DCDC1: variants seen among roughly 807,000 people sequenced by gnomAD.
DCDC1 encodes doublecortin domain containing 1.
A neutral mutation model predicts 178.3 loss-of-function variants in DCDC1; 200 were observed. The ratio of observed to expected loss-of-function variants is 1.12; its 90% CI spans 1.00 to 1.26. The LOEUF (loss-of-function observed/expected upper bound fraction) is 1.26. DCDC1 is among the 50% of genes most tolerant of loss of function. The pLI is 0.00. For synonymous variants in DCDC1, 690 were observed against 604.8 expected, an observed-to-expected ratio of 1.14 and a Z score of -2.07; for missense variants, 1,983 against 1,749.2, an observed-to-expected ratio of 1.13 and a Z score of -2.38.
At chr11:30,899,823 G>A (rs1459615117) in intron 33 of DCDC1, among the ~76,000 whole-genome samples, 181 bp from the exon 34 acceptor site, 5 of 152,092 alleles carry the variant, frequency 3.3e-5, no homozygotes, top group African/African-American at 4.8e-5. Context: ...TCTTTATGGA[G>A]TGGAGGGGTA....
Position 30,900,416 on chromosome 11 carries a change from C to T in DCDC1, c.4593G>A (p.Leu1531=), listed in dbSNP as rs1421269248. 1 of 1,582,020 alleles carries T rather than the reference C, an allele frequency of 6.3e-7. No homozygotes were observed. The highest frequency in any genetic ancestry group is 8.6e-7 in the Non-Finnish European group (1 of 1,163,380). ...SDSLDGIDKS[L]LTLILRNPIA... ...TAGGATTTCTGAGGATGAGGGTAAG[C>T]AAAGACTTGTCTATACCATCCAAAC... The change falls in exon 33 of 39, where the codon TTG becomes TTA. Residue 1531 remains leucine (L), a synonymous_variant. Coordinates refer to ENST00000684477, the MANE Select transcript of DCDC1 (RefSeq NM_001387274.1).
intron 20 of DCDC1, among the ~76,000 whole-genome samples, chr11:30,967,798 T>C (rs1949527012): frequency 6.6e-6 from 1 of 152,108 alleles, no homozygotes; most frequent in South Asian, 2.1e-4. Context: ...ACATTTCAGT[T>C]CTGTGTCAAT....
intron 20 of DCDC1, among the ~76,000 whole-genome samples, chr11:30,996,448 T>C (rs941503992): frequency 4.3e-5 from 6 of 140,898 alleles, no homozygotes; most frequent in Non-Finnish European, 8.0e-5. Flanking sequence ...AAAAATCATA[T>C]TGAGACTTAA....
At chr11:31,368,933 G>A (rs1421498868) in intron 1 of DCDC1, among the ~76,000 whole-genome samples, 1 of 151,982 alleles carries the variant, frequency 6.6e-6, no homozygotes, top group Non-Finnish European at 1.5e-5. Context: ...AGAAAGAAAG[G>A]TGAGAAAAAC....
At chr11:30,988,171 A>G (rs1245785439) in intron 20 of DCDC1, among the ~76,000 whole-genome samples, 3 of 152,322 alleles carry the variant, frequency 2.0e-5, no homozygotes, top group African/African-American at 7.2e-5. Flanking sequence ...TGGCTGCTAG[A>G]TGGAGAATAA....
chr11:30,970,688 CCTGA>C (rs1949725676), intron 20 of DCDC1, among the ~76,000 whole-genome samples: 1 of 152,176 alleles, frequency 6.6e-6, no homozygotes, highest in Non-Finnish European at 1.5e-5. Flanking sequence ...TCCCCAGCTG[CCTGA>C]CTATGGTTTC....
intron 3 of DCDC1, among the ~76,000 whole-genome samples, chr11:31,310,763 G>A (rs1192519220): frequency 6.6e-6 from 1 of 152,166 alleles, no homozygotes; most frequent in Non-Finnish European, 1.5e-5. Flanking sequence ...TGCTAAACTG[G>A]TGCTGGAATG....
chr11:31,358,417 C>T (rs1304535171), intron 1 of DCDC1, among the ~76,000 whole-genome samples: 1 of 151,972 alleles, frequency 6.6e-6, no homozygotes, highest in Non-Finnish European at 1.5e-5. Flanking sequence ...CCCTTCCTTA[C>T]ACCTTATACA....
At chr11:31,277,323 C>T (rs1946066629) in intron 7 of DCDC1, among the ~76,000 whole-genome samples, 1 of 152,074 alleles carries the variant, frequency 6.6e-6, no homozygotes, top group Non-Finnish European at 1.5e-5. Context: ...TATCCATTCA[C>T]AGGTATATGG....
chr11:30,875,300 T>C (rs1942013620), intron 38 of DCDC1, among the ~76,000 whole-genome samples: 1 of 152,148 alleles, frequency 6.6e-6, no homozygotes, highest in East Asian at 1.9e-4. Flanking sequence ...CTGTTACTCT[T>C]TCATTCTACT....
intron 9 of DCDC1, among the ~76,000 whole-genome samples, chr11:31,200,090 C>A (rs1003158535): frequency 6.6e-6 from 1 of 151,970 alleles, no homozygotes; most frequent in Non-Finnish European, 1.5e-5. Flanking sequence ...TTGAAACTTG[C>A]CCTGGTAATA....
At chr11:31,173,548 T>C (rs1967536162) in intron 9 of DCDC1, among the ~76,000 whole-genome samples, 1 of 152,146 alleles carries the variant, frequency 6.6e-6, no homozygotes, top group African/African-American at 2.4e-5. Flanking sequence ...CAGGCACCAT[T>C]TCAATTGGAG....
At chr11:30,984,768 C>A (rs1950558686) in intron 20 of DCDC1, among the ~76,000 whole-genome samples, 1 of 152,130 alleles carries the variant, frequency 6.6e-6, no homozygotes, top group African/African-American at 2.4e-5. Context: ...AATGTAAAAA[C>A]CAGCCTGTCT....
chr11:31,212,048 A>C (rs1235462445), intron 9 of DCDC1, among the ~76,000 whole-genome samples: 1 of 149,416 alleles, frequency 6.7e-6, no homozygotes, highest in Non-Finnish European at 1.5e-5. Flanking sequence ...GCGCCACTGC[A>C]CTCCAGCCTG....
chr11:31,154,408 C>T (rs1965512389), intron 9 of DCDC1, among the ~76,000 whole-genome samples: 1 of 152,174 alleles, frequency 6.6e-6, no homozygotes, highest in African/African-American at 2.4e-5. Flanking sequence ...GCCCAGGAGC[C>T]CATCTTTGAT....
chr11:31,111,840 A>G (rs1959181475), intron 11 of DCDC1, among the ~76,000 whole-genome samples: 5 of 152,166 alleles, frequency 3.3e-5, no homozygotes, highest in Admixed American at 2.6e-4. Flanking sequence ...CTTGCTAGAC[A>G]TGGAGTCAGA....
rs1290484536 is a variant in DCDC1, at chr11:30,864,598, C to A, written c.*775G>T. On this transcript the variant is annotated 3_prime_UTR_variant, in exon 39 of 39. Coordinates refer to ENST00000684477, the MANE Select transcript of DCDC1 (RefSeq NM_001387274.1). Reference sequence around the variant, plus strand: ...GTAGAAGAACTGAACCTCATGTCCCCATCATGTTGCTGTGGGGTGGGACTG... The same window carrying A: ...GTAGAAGAACTGAACCTCATGTCCCAATCATGTTGCTGTGGGGTGGGACTG... 2.0e-5 allele frequency: 3 copies of A among 152,250 alleles called. No homozygotes were observed. The highest frequency in any genetic ancestry group is 7.2e-5 in the African/African-American group (3 of 41,468). 9.4% of individuals were successfully genotyped at this position (152,250 alleles called of 1,614,324 possible). A position where few individuals can be genotyped will look rare whatever the true frequency, so the allele number is the denominator to read the frequency against.
At chr11:31,224,574 CA>C (rs1974681948) in intron 9 of DCDC1, among the ~76,000 whole-genome samples, 1 of 151,964 alleles carries the variant, frequency 6.6e-6, no homozygotes, top group African/African-American at 2.4e-5. Flanking sequence ...ACAGACAACC[CA>C]CAGAGTAGGA....
At chr11:31,338,522 G>A (rs964403382) in intron 1 of DCDC1, among the ~76,000 whole-genome samples, 1 of 152,168 alleles carries the variant, frequency 6.6e-6, no homozygotes, top group African/African-American at 2.4e-5. Flanking sequence ...GGATTGTGGA[G>A]TAAACTGTTA....
Sources: gnomAD v4.1 joint callset for allele counts (sites outside exome capture counted in the v4.1 genomes callset) on GRCh38, gnomAD v4.1.1 for gene constraint, MANE v1.5 for transcripts, NCBI Gene and HGNC (gene_info 2026-07-23, HGNC 2026-07-21) for gene names.